MBD5: variants seen among roughly 807,000 people sequenced by gnomAD.
The protein encoded by MBD5 is methyl-CpG-binding domain protein 5.
A neutral mutation model predicts 117.3 loss-of-function variants in MBD5; 13 were observed. The observed-to-expected ratio is 0.11, with a 90% CI of 0.07 to 0.18. The LOEUF (loss-of-function observed/expected upper bound fraction) is 0.18. Among genes scored for constraint, MBD5 ranks in the 10% least tolerant of loss-of-function variants. MBD5 has a pLI of 1.00. For missense variants in MBD5, 1,879 were observed against 2,093.8 expected, an observed-to-expected ratio of 0.90 and a Z score of 2.00; for synonymous variants, 727 against 766.4, an observed-to-expected ratio of 0.95 and a Z score of 0.85.
In MBD5 at chr2:148,180,343, C is replaced by CATATAT. The variant is rs70992196; in HGVS notation, c.-831+1563_-831+1568dup. ...ATCCTTCTAGTAAAAAAAAATTATA[C>CATATAT]ATATATATATATATATATGTATATA... is the stretch of plus-strand genomic sequence containing the variant. On this transcript the variant is annotated intron_variant, in intron 2 of 13. Transcript: ENST00000642680. Among the ~76,000 whole-genome samples the CATATAT allele has an allele frequency of 2.7e-4, 29 of 105,538 alleles. 1 individual carries two copies. Among genetic ancestry groups the CATATAT allele is most frequent in the Admixed American group, 1.3e-3 (12 of 9,020 alleles). The allele number at this position is 105,538 out of a possible 152,430, so 69.2% of individuals were successfully genotyped here.
At chr2:148,418,366 C>T (rs1705489668) in intron 4 of MBD5, among the ~76,000 whole-genome samples, 2 of 151,444 alleles carry the variant, frequency 1.3e-5, no homozygotes, top group Admixed American at 1.3e-4. Flanking sequence ...AATTTTTTGC[C>T]AGAGAAATCA....
intron 1 of MBD5, among the ~76,000 whole-genome samples, chr2:148,083,243 T>G (rs1403350127): frequency 2.6e-5 from 4 of 152,222 alleles, no homozygotes; most frequent in African/African-American, 4.8e-5. Context: ...TAAAATCCAT[T>G]CACAAAGCAA....
In MBD5 at chr2:148,280,910, A is replaced by G. The variant is rs570418654; in HGVS notation, c.-680+47515A>G. Among the ~76,000 whole-genome samples the G allele has an allele frequency of 4.1e-3, 631 of 152,298 alleles. 7 individuals carry two copies. Among genetic ancestry groups the G allele is most frequent in the African/African-American group, 0.015 (608 of 41,572 alleles). ...TCAGCAATTTGAAGATCAGACTCTA[A>G]TATCTTTCAGTGTCTTTTGAGAGAA... is the stretch of plus-strand genomic sequence containing the variant. On this transcript the variant is annotated intron_variant, in intron 3 of 13. Transcript: ENST00000642680.
intron 3 of MBD5, among the ~76,000 whole-genome samples, chr2:148,271,966 G>A (rs1333739972): frequency 6.6e-6 from 1 of 152,056 alleles, no homozygotes; most frequent in Non-Finnish European, 1.5e-5. Context: ...CCAGTCTGTG[G>A]TAACCACATT....
At chr2:148,500,391 G>A (rs1214113989) in intron 11 of MBD5, among the ~76,000 whole-genome samples, 1 of 151,924 alleles carries the variant, frequency 6.6e-6, no homozygotes. Flanking sequence ...TCAGACCTGA[G>A]TTTCAGTTCT....
Position 148,199,285 on chromosome 2 carries a change from T to C in MBD5, c.-831+20492T>C, listed in dbSNP as rs537491532. ...TGTAGGTATTAACCCCAGTATTGTT[T>C]AACTGAATAACCGGGTACTCTAGCC... On this transcript the variant is annotated intron_variant, in intron 2 of 13. Coordinates refer to ENST00000642680, the MANE Select transcript of MBD5 (RefSeq NM_001378120.1). 2.0e-5 allele frequency among the ~76,000 whole-genome samples: 3 copies of C among 152,264 alleles called. No homozygotes were observed. In the South Asian group the frequency reaches 6.2e-4, roughly 32 times the overall value.
chr2:148,032,845 T>C (rs1193895523), intron 1 of MBD5, among the ~76,000 whole-genome samples: 1 of 152,160 alleles, frequency 6.6e-6, no homozygotes, highest in Non-Finnish European at 1.5e-5. Context: ...AGAAATAACA[T>C]TGGAAACCAG....
chr2:148,388,824 A>G (rs1574368668), intron 4 of MBD5, among the ~76,000 whole-genome samples: 1 of 152,126 alleles, frequency 6.6e-6, no homozygotes, highest in East Asian at 1.9e-4. Context: ...CTCATTTTTC[A>G]AAATTATTAT....
intron 1 of MBD5, among the ~76,000 whole-genome samples, chr2:148,024,257 A>G (rs1191908368): frequency 6.6e-6 from 1 of 152,196 alleles, no homozygotes; most frequent in South Asian, 2.1e-4. Flanking sequence ...CACTTATTGT[A>G]GGTTATTACT....
At chr2:148,261,440 C>T (rs1700730835) in intron 3 of MBD5, among the ~76,000 whole-genome samples, 1 of 152,188 alleles carries the variant, frequency 6.6e-6, no homozygotes, top group Non-Finnish European at 1.5e-5. Flanking sequence ...GTGGAGATGG[C>T]TTCTTTTCTT....
At chr2:148,474,976 C>T (rs1014354796) in intron 8 of MBD5, among the ~76,000 whole-genome samples, 9 of 151,864 alleles carry the variant, frequency 5.9e-5, no homozygotes, top group Non-Finnish European at 5.9e-5. Context: ...GCTACAGGGG[C>T]AGAAAGATTA....
chr2:148,266,053 T>C (rs1349622574), intron 3 of MBD5, among the ~76,000 whole-genome samples: 1 of 152,266 alleles, frequency 6.6e-6, no homozygotes, highest in East Asian at 1.9e-4. Flanking sequence ...GCTTTTCTTT[T>C]GATTTTAATA....
At chr2:148,169,377 T>A (rs1403272639) in intron 1 of MBD5, among the ~76,000 whole-genome samples, 1 of 151,956 alleles carries the variant, frequency 6.6e-6, no homozygotes, top group Non-Finnish European at 1.5e-5. Flanking sequence ...CCTTATTAGA[T>A]CATTAACGTC....
At chr2:148,293,199 T>C (rs144472389) in intron 3 of MBD5, among the ~76,000 whole-genome samples, 2 of 148,714 alleles carry the variant, frequency 1.3e-5, no homozygotes, top group African/African-American at 5.0e-5. Flanking sequence ...CATGTGTCTG[T>C]AGTCCCAACT....
intron 3 of MBD5, among the ~76,000 whole-genome samples, chr2:148,317,476 A>G (rs901380930): frequency 6.6e-6 from 1 of 152,198 alleles, no homozygotes; most frequent in Non-Finnish European, 1.5e-5. Flanking sequence ...TAATTTTAGT[A>G]TATTTAGTGG....
intron 3 of MBD5, among the ~76,000 whole-genome samples, chr2:148,247,844 A>G (rs1390044186): frequency 6.6e-6 from 1 of 152,146 alleles, no homozygotes; most frequent in African/African-American, 2.4e-5. Flanking sequence ...GGAAAAAAAT[A>G]AAATTTAAAC....
At chr2:148,208,721 T>G (rs1289411767) in intron 2 of MBD5, among the ~76,000 whole-genome samples, 1 of 151,854 alleles carries the variant, frequency 6.6e-6, no homozygotes, top group East Asian at 1.9e-4. Context: ...TTTTATAGAT[T>G]ACTTTTACCT....
At chr2:148,364,775 G>A (rs1393876398) in intron 4 of MBD5, among the ~76,000 whole-genome samples, 2 of 152,130 alleles carry the variant, frequency 1.3e-5, no homozygotes, top group African/African-American at 4.8e-5. Context: ...AGGGATCAAT[G>A]CAACAAGAAG....
chr2:148,134,371 A>G (rs1262794553), intron 1 of MBD5, among the ~76,000 whole-genome samples: 1 of 152,218 alleles, frequency 6.6e-6, no homozygotes, highest in Non-Finnish European at 1.5e-5. Context: ...TTTATAAAAT[A>G]TCACATAGCT....
Sources: allele counts gnomAD v4.1 joint callset (sites outside exome capture counted in the v4.1 genomes callset), GRCh38; gene constraint gnomAD v4.1.1; transcripts MANE v1.5; gene names NCBI Gene and HGNC (gene_info 2026-07-23, HGNC 2026-07-21).